Variants in SFTPB observed in about 807,000 individuals in gnomAD.
SFTPB encodes the protein pulmonary surfactant-associated protein B.
Under a neutral mutation model 51.0 loss-of-function variants are expected in SFTPB, and 32 were observed. That is an observed-to-expected ratio of 0.63 (90% CI 0.47 to 0.84). SFTPB has a LOEUF of 0.84. Ranked by LOEUF, SFTPB falls within the 40% of genes least tolerant of loss-of-function variation. The pLI is 0.00. For missense variants in SFTPB, 431 were observed against 491.2 expected (o/e 0.88, Z 1.16); for synonymous variants, 211 against 208.5 (o/e 1.01, Z -0.10).
At chr2:85,668,337 A>G, upstream of SFTPB, 1 of 706,260 alleles carries the variant, frequency 1.4e-6, no homozygotes, top group South Asian at 1.7e-5. Flanking sequence ...CAGCAGGAAC[A>G]CTCCTGCCTG....
At chr2:85,661,204 G>C (rs1043734256) in intron 10 of SFTPB, 49 of 414,808 alleles carry the variant, frequency 1.2e-4, no homozygotes, top group African/African-American at 2.3e-4. Flanking sequence ...CGGGGGGTTG[G>C]GGGGGAAGCT....
chr2:85,666,257 G>A (rs1263450122), intron 4 of SFTPB, among the ~76,000 whole-genome samples: 367 of 133,602 alleles, frequency 2.7e-3, no homozygotes, highest in Non-Finnish European at 3.6e-3. Context: ...GTGTCTGGCT[G>A]GCTGGGGTAC....
chr2:85,665,868 C>T (rs1297356668), intron 4 of SFTPB, 74 bp from the exon 5 acceptor site: 5 of 1,413,718 alleles, frequency 3.5e-6, no homozygotes, highest in East Asian at 2.3e-5. Flanking sequence ...GGCCCAAGGG[C>T]TCAGGGACCA....
intron 2 of SFTPB, 42 bp from the exon 3 acceptor site, chr2:85,667,219 G>T: frequency 6.8e-7 from 1 of 1,461,748 alleles, no homozygotes; most frequent in Non-Finnish European, 9.6e-7. Context: ...ACATGAGTGG[G>T]GGAGGCTCCC....
chr2:85,668,584 G>T (rs1677770841), upstream of SFTPB: 1 of 267,720 alleles, frequency 3.7e-6, no homozygotes, highest in Non-Finnish European at 7.3e-6. Flanking sequence ...CTCTACTCTT[G>T]AGCAATGCTC....
intron 4 of SFTPB, 194 bp downstream of exon 4, chr2:85,666,411 CCAGCTGGGGTGT>C: frequency 8.2e-6 from 4 of 488,084 alleles, no homozygotes; most frequent in Non-Finnish European, 1.4e-5. Context: ...GTGTGTCCGG[CCAGCTGGGGTGT>C]TGTGTGTGTG....
chr2:85,665,694 C>A lies in SFTPB; in HGVS notation c.494G>T (p.Arg165Leu). ...GMSDPLPKPL[R>L]DPLPDPLLDK... ...CAGCAGAGGGTCTGGCAGAGGGTCC[C>A]GCAGAGGTTTGGGCAGGGGGTCTGA... The change falls in exon 5 of 11, where the codon CGG becomes CTG. Residue 165 changes from arginine to leucine, a missense_variant. Transcript: ENST00000519937. 1 of 1,614,212 alleles carries A rather than the reference C, an allele frequency of 6.2e-7. No homozygotes were observed. Among genetic ancestry groups the A allele is most frequent in the Non-Finnish European group, 8.5e-7 (1 of 1,180,038 alleles).
intron 4 of SFTPB, 62 bp downstream of exon 4, chr2:85,666,555 C>A: frequency 1.3e-6 from 2 of 1,581,426 alleles, no homozygotes; most frequent in South Asian, 2.2e-5. Context: ...GTGTGGCTCC[C>A]CATGGGTGGG....
intron 8 of SFTPB, among the ~76,000 whole-genome samples, chr2:85,662,478 C>T (rs1417912171): frequency 6.6e-6 from 1 of 152,188 alleles, no homozygotes; most frequent in East Asian, 1.9e-4. Flanking sequence ...GCAGGGAGCA[C>T]AGTGTGGACA....
chr2:85,666,549 G>GCTGTGT, intron 4 of SFTPB, 68 bp downstream of exon 4: 1 of 1,549,030 alleles, frequency 6.5e-7, no homozygotes, highest in South Asian at 1.1e-5. Flanking sequence ...CTGTGTGTGT[G>GCTGTGT]GCTCCCCATG....
rs1266378510 is a variant in SFTPB, at chr2:85,665,803, C to T, written c.394-9G>A. The T allele has an allele frequency of 6.2e-7, 1 of 1,613,738 alleles. No individual in the cohort carries two copies. Among genetic ancestry groups the T allele is most frequent in the Non-Finnish European group, 8.5e-7 (1 of 1,179,786 alleles). Reference sequence around the variant, plus strand: ...CAGATGCCGTTTGAGTCCTGGGGCACAGCACAGGGTGGGAGTGTTAGGGTC... The same window carrying T: ...CAGATGCCGTTTGAGTCCTGGGGCATAGCACAGGGTGGGAGTGTTAGGGTC... On this transcript the variant is annotated splice_polypyrimidine_tract_variant and intron_variant, in intron 4 of 10. Transcript: ENST00000519937.
rs755937427 is a variant in SFTPB, at chr2:85,663,473, C to G, written c.875G>C (p.Trp292Ser). 4 of 1,613,984 alleles carry G rather than the reference C, an allele frequency of 2.5e-6. No individual in the cohort carries two copies. In the South Asian group the frequency reaches 4.4e-5, roughly 18 times the overall value. ...GTGGCACTCAGAGTCTCGCGGCAGC[C>G]ATTCTCCTGTCGGCGACCCTGGAGA... ...SAGPRSPTGE[W>S]LPRDSECHLC... is the part of the protein sequence containing the mutation. The change falls in exon 8 of 11, where the codon TGG (tryptophan) becomes TCG (serine). Residue 292 changes from tryptophan to serine, a missense_variant. Physicochemically the swap from Trp to Ser is radical, Grantham distance 177. Coordinates refer to ENST00000519937, the MANE Select transcript of SFTPB (RefSeq NM_000542.5).
upstream of SFTPB, chr2:85,668,349 C>A: frequency 1.5e-6 from 1 of 674,372 alleles, no homozygotes; most frequent in Admixed American, 2.2e-5. Flanking sequence ...TCCTGCCTGC[C>A]TTACCACCTG....
intron 5 of SFTPB, 47 bp from the exon 6 acceptor site, chr2:85,665,425 G>C: frequency 6.5e-7 from 1 of 1,527,412 alleles, no homozygotes; most frequent in Non-Finnish European, 9.1e-7. Flanking sequence ...TGGGAGAAGA[G>C]TCCTCCAGGC....
chr2:85,664,964 G>A (rs1400004295), intron 6 of SFTPB, among the ~76,000 whole-genome samples: 1 of 152,194 alleles, frequency 6.6e-6, no homozygotes, highest in Non-Finnish European at 1.5e-5. Flanking sequence ...AGAGACCTCT[G>A]GGGATCTTTC....
intron 4 of SFTPB, among the ~76,000 whole-genome samples, chr2:85,666,326 GTAC>G (rs1677605238): frequency 6.9e-6 from 1 of 144,258 alleles, no homozygotes; most frequent in Non-Finnish European, 1.5e-5. Flanking sequence ...GCTGGCTGGG[GTAC>G]TGTGTGTGTG....
chr2:85,662,395 G>T, intron 8 of SFTPB: 1 of 912,390 alleles, frequency 1.1e-6, no homozygotes, highest in Non-Finnish European at 1.5e-6. Flanking sequence ...TTCAGTTCTA[G>T]AAGGAAACTT....
chr2:85,665,447 C>T (rs1388517486), intron 5 of SFTPB, 69 bp from the exon 6 acceptor site: 1 of 1,459,914 alleles, frequency 6.8e-7, no homozygotes, highest in Non-Finnish European at 9.6e-7. Context: ...CTCCTCCCCT[C>T]TCTCTTCCTC....
chr2:85,668,096 G>A, intron 1 of SFTPB, 21 bp downstream of exon 1: 1 of 1,534,448 alleles, frequency 6.5e-7, no homozygotes, highest in Non-Finnish European at 8.8e-7. Context: ...CCTAGGAGAG[G>A]GGAGGCTGGG....
Sources: gnomAD v4.1 joint callset for allele counts (sites outside exome capture counted in the v4.1 genomes callset) on GRCh38, gnomAD v4.1.1 for gene constraint, MANE v1.5 for transcripts, NCBI Gene and HGNC (gene_info 2026-07-23, HGNC 2026-07-21) for gene names.